Variants in SLCO1A2 observed in about 807,000 individuals in gnomAD.
SLCO1A2 encodes the protein OATP-1.
A neutral mutation model predicts 69.0 loss-of-function variants in SLCO1A2; 67 were observed. That is an observed-to-expected ratio of 0.97 (90% CI 0.80 to 1.19). The LOEUF is 1.19. SLCO1A2 is among the 50% of genes most tolerant of loss of function. The pLI is 0.00. For missense variants in SLCO1A2, 787 were observed against 793.7 expected (o/e 0.99, Z 0.10); for synonymous variants, 260 against 265.9 (o/e 0.98, Z 0.22).
chr12:21,373,165 G>A (rs1333722891), intron 2 of SLCO1A2, among the ~76,000 whole-genome samples: 4 of 152,114 alleles, frequency 2.6e-5, no homozygotes, highest in African/African-American at 4.8e-5. Context: ...TAAAAATCTC[G>A]AAATTACTTG....
intron 1 of SLCO1A2, among the ~76,000 whole-genome samples, chr12:21,377,299 A>G (rs1385162837): frequency 1.3e-5 from 2 of 152,218 alleles, no homozygotes; most frequent in African/African-American, 2.4e-5. Flanking sequence ...GCAATAGAGT[A>G]CCTGAACAGG....
rs535287008 is a variant in SLCO1A2 at position 21,372,687 on chromosome 12, T to G, written c.-63+1712A>C. Among the ~76,000 whole-genome samples, 10 of 152,350 alleles carry G rather than the reference T, an allele frequency of 6.6e-5. No individual in the cohort carries two copies. In the South Asian group the frequency reaches 1.0e-3, roughly 16 times the overall value. The stretch of plus-strand genomic sequence containing the variant: ...GGCAAATTCAAACTTCTGCTGTGTA[T>G]GACACACCATTAACTGCACAAGGAC... On this transcript the variant is annotated intron_variant, in intron 2 of 15. Transcript: ENST00000307378.
chr12:21,342,631 G>A (rs534982975), intron 2 of SLCO1A2, among the ~76,000 whole-genome samples: 1 of 151,684 alleles, frequency 6.6e-6, no homozygotes, highest in Non-Finnish European at 1.5e-5. Flanking sequence ...TAAATAGCAC[G>A]ATATATAAGA....
intron 12 of SLCO1A2, among the ~76,000 whole-genome samples, chr12:21,287,988 G>A (rs1291589347): frequency 1.6e-5 from 2 of 127,166 alleles, no homozygotes; most frequent in Admixed American, 8.6e-5. Flanking sequence ...ATGTGCACAT[G>A]TACCCTAAAA....
At chr12:21,296,264 A>G (rs1369352817) in intron 9 of SLCO1A2, among the ~76,000 whole-genome samples, 1 of 152,100 alleles carries the variant, frequency 6.6e-6, no homozygotes, top group African/African-American at 2.4e-5. Context: ...TTTTAGAGAC[A>G]GAATCTTGCT....
chr12:21,286,301 AG>A (rs1275630387), intron 12 of SLCO1A2, among the ~76,000 whole-genome samples: 1 of 148,248 alleles, frequency 6.7e-6, no homozygotes, highest in Non-Finnish European at 1.5e-5. Context: ...CCAACTTACA[AG>A]GGATGTGAAG....
chr12:21,347,173 A>G (rs1332328081), intron 2 of SLCO1A2, among the ~76,000 whole-genome samples: 1 of 152,166 alleles, frequency 6.6e-6, no homozygotes, highest in East Asian at 1.9e-4. Context: ...ACTTCCTTCC[A>G]TACCCCAAAG....
At chr12:21,349,692 A>C (rs890888755) in intron 2 of SLCO1A2, among the ~76,000 whole-genome samples, 1 of 152,168 alleles carries the variant, frequency 6.6e-6, no homozygotes, top group African/African-American at 2.4e-5. Context: ...TACTCCACGC[A>C]CTAACCAAAC....
upstream of SLCO1A2, among the ~76,000 whole-genome samples, chr12:21,335,585 A>T (rs1952855712): frequency 6.6e-6 from 1 of 152,018 alleles, no homozygotes; most frequent in Non-Finnish European, 1.5e-5. Context: ...TATTTATTCT[A>T]GTTTCTAGAA....
At position 21,294,188 on chromosome 12, in the gene SLCO1A2, A is replaced by C; in HGVS notation, c.1272-78T>G. The stretch of plus-strand genomic sequence containing the variant: ...TTTTCTTCTTTTCATCTCAATCCCC[A>C]GTTAGATTTCCTCTCCTCCCATGAA... On this transcript the variant is annotated intron_variant, in intron 10 of 14. Transcript: ENST00000683939. 4 of 1,158,750 alleles carry C rather than the reference A, an allele frequency of 3.5e-6. No homozygotes were observed. In the South Asian group the frequency reaches 5.2e-5, roughly 15 times the overall value. 71.8% of individuals were successfully genotyped at this position (1,158,750 alleles called of 1,614,324 possible). A position where few individuals can be genotyped will look rare whatever the true frequency, so the allele number is the denominator to read the frequency against.
At chr12:21,419,419 G>C (rs1453633815), upstream of SLCO1A2, 1 of 153,618 alleles carries the variant, frequency 6.5e-6, no homozygotes, top group Non-Finnish European at 1.4e-5. Flanking sequence ...AGCACAAGGG[G>C]TCAGCGAGTT....
intron 1 of SLCO1A2, chr12:21,403,388 A>C (rs1358117801): frequency 1.3e-5 from 2 of 152,164 alleles, no homozygotes; most frequent in African/African-American, 4.8e-5. Context: ...ATTGCAACCC[A>C]CAACAACCCA....
chr12:21,270,599 T>G (rs539796975), intron 14 of SLCO1A2, among the ~76,000 whole-genome samples: 5 of 151,806 alleles, frequency 3.3e-5, no homozygotes, highest in Non-Finnish European at 7.4e-5. Context: ...TTTCAGACTT[T>G]CCTGAAAAAT....
chr12:21,395,771 C>T (rs897295881), upstream of SLCO1A2, among the ~76,000 whole-genome samples: 2 of 152,136 alleles, frequency 1.3e-5, no homozygotes. Flanking sequence ...ACACTGACAC[C>T]TCAAACGGCA....
intron 2 of SLCO1A2, among the ~76,000 whole-genome samples, chr12:21,345,914 G>T (rs1953238379): frequency 6.6e-6 from 1 of 151,762 alleles, no homozygotes; most frequent in Non-Finnish European, 1.5e-5. Flanking sequence ...TGTGAATATT[G>T]TTAACAAATA....
At position 21,342,198 on chromosome 12, in the gene SLCO1A2, C is replaced by G. The variant is rs80095481; in HGVS notation, c.-62-7489G>C. 9.9e-4 allele frequency among the ~76,000 whole-genome samples: 150 copies of G among 152,126 alleles called. No homozygotes were observed. The East Asian group carries it at 0.026, about 26-fold the overall frequency. On this transcript the variant is annotated intron_variant, in intron 2 of 15. Transcript: ENST00000307378. ...AAATGATAATGTTATACATTTCTCT[C>G]AAGATTGCCTTCATCTGATCAGTAA...
intron 9 of SLCO1A2, among the ~76,000 whole-genome samples, chr12:21,296,989 G>C (rs1947815956): frequency 6.6e-6 from 1 of 152,100 alleles, no homozygotes; most frequent in African/African-American, 2.4e-5. Context: ...AAAACCACTA[G>C]GGGGACCAAA....
rs990827410 is a variant in SLCO1A2, at chr12:21,269,204, T to C, written c.*344A>G. On this transcript the variant is annotated 3_prime_UTR_variant, in exon 15 of 15. Transcript: ENST00000683939. ...AAAGAACAAATTTAGTGGAATTAAATAGGTTTTCATAACAGAAAATTTTTA... is the reference window on the plus strand; with the variant it reads ...AAAGAACAAATTTAGTGGAATTAAACAGGTTTTCATAACAGAAAATTTTTA... The C allele has an allele frequency of 3.7e-5, 6 of 162,960 alleles. No homozygotes were observed. The highest frequency in any genetic ancestry group is 1.4e-4 in the African/African-American group (6 of 41,874). The allele number at this position is 162,960 out of a possible 1,614,324, so 10.1% of individuals were successfully genotyped here. A position where few individuals can be genotyped will look rare whatever the true frequency, so the allele number is the denominator to read the frequency against.
chr12:21,386,244 C>T (rs1036637190), intron 1 of SLCO1A2, among the ~76,000 whole-genome samples: 1 of 152,038 alleles, frequency 6.6e-6, no homozygotes, highest in African/African-American at 2.4e-5. Context: ...CATTTCTTGG[C>T]TTATTTTTGC....
Sources: allele counts gnomAD v4.1 joint callset (sites outside exome capture counted in the v4.1 genomes callset), GRCh38; gene constraint gnomAD v4.1.1; transcripts MANE v1.5; gene names NCBI Gene and HGNC (gene_info 2026-07-23, HGNC 2026-07-21).